The following CREB5 variants were observed in gnomAD, a reference collection of about 807,000 sequenced individuals.
CREB5 encodes cyclic AMP-responsive element-binding protein 5.
In CREB5, 19 loss-of-function variants were observed where a neutral mutation model predicts 57.1. The observed-to-expected ratio is 0.33, with a 90% CI of 0.23 to 0.49. The LOEUF (loss-of-function observed/expected upper bound fraction) is 0.49, where lower values mean the gene tolerates loss of function less well. Among genes scored for constraint, CREB5 ranks in the 20% least tolerant of loss-of-function variants. CREB5 has a pLI of 0.99. For synonymous variants in CREB5, 238 were observed against 238.3 expected, an observed-to-expected ratio of 1.00 and a Z score of 0.01; for missense variants, 579 against 671.6, an observed-to-expected ratio of 0.86 and a Z score of 1.52.
intron 4 of CREB5, among the ~76,000 whole-genome samples, chr7:28,564,317 C>T (rs1402889697): frequency 2.6e-5 from 4 of 152,188 alleles, no homozygotes; most frequent in Non-Finnish European, 5.9e-5. Context: ...ATTTTGAGAC[C>T]TTACAGGAAT....
rs1439926301 is a variant in CREB5, at chr7:28,672,184, A to AC, written c.465-46569_465-46568insC. On this transcript the variant is annotated intron_variant, in intron 5 of 10. Transcript: ENST00000357727. ...GATCAGTTGTATTATGGAAAAAAAAAAAAAACACACACACACACACACACA... is the reference window on the plus strand; with the variant it reads ...GATCAGTTGTATTATGGAAAAAAAAACAAAAACACACACACACACACACACA... Among the ~76,000 whole-genome samples the AC allele has an allele frequency of 2.6e-3, 358 of 139,112 alleles. 1 individual carries two copies. The highest frequency in any genetic ancestry group is 0.018 in the South Asian group (81 of 4,550). The allele number at this position is 139,112 out of a possible 152,430, so 91.3% of individuals were successfully genotyped here.
At chr7:28,598,298 A>T (rs1361309355) in intron 5 of CREB5, among the ~76,000 whole-genome samples, 2 of 152,110 alleles carry the variant, frequency 1.3e-5, no homozygotes, top group Admixed American at 6.6e-5. Flanking sequence ...TTCCGCCATG[A>T]TCCCCAGCCA....
intron 3 of CREB5, among the ~76,000 whole-genome samples, chr7:28,502,386 C>CA (rs56300430): frequency 4.7e-5 from 7 of 150,150 alleles, no homozygotes; most frequent in Non-Finnish European, 7.4e-5. Context: ...TAAATGTAAC[C>CA]AAAAAAAAAT....
intron 4 of CREB5, among the ~76,000 whole-genome samples, chr7:28,527,770 A>G (rs1195910288): frequency 6.6e-6 from 1 of 152,148 alleles, no homozygotes; most frequent in Non-Finnish European, 1.5e-5. Context: ...GTAAGCTTTG[A>G]TTGCATCATT....
chr7:28,357,735 A>G lies in CREB5; in HGVS notation c.-25+58294A>G, dbSNP rs148816434. On this transcript the variant is annotated intron_variant, in intron 1 of 9. Transcript: ENST00000396299. ...GGAGTTCTTCAATGTACAAGAACTAAGTAAATACAGTATTGTGCCAGAAGT... is the reference window on the plus strand; with the variant it reads ...GGAGTTCTTCAATGTACAAGAACTAGGTAAATACAGTATTGTGCCAGAAGT... Among the ~76,000 whole-genome samples, 316 of 152,320 alleles carry G rather than the reference A, an allele frequency of 2.1e-3. 3 individuals carry two copies. Among genetic ancestry groups the G allele is most frequent in the African/African-American group, 7.2e-3 (299 of 41,564 alleles).
At chr7:28,421,835 C>G (rs42730) in intron 1 of CREB5, among the ~76,000 whole-genome samples, 1 of 5,904 alleles carries the variant, frequency 1.7e-4, no homozygotes, top group South Asian at 0.01. Flanking sequence ...TATATATATA[C>G]ACACACACAC....
At chr7:28,482,569 T>G (rs1791378177) in intron 1 of CREB5, among the ~76,000 whole-genome samples, 2 of 152,206 alleles carry the variant, frequency 1.3e-5, no homozygotes, top group South Asian at 2.1e-4. Context: ...AGTTTCCTCC[T>G]CTAGAAACCT....
At chr7:28,522,390 G>GTT (rs11291433) in intron 4 of CREB5, among the ~76,000 whole-genome samples, 2,432 of 97,570 alleles carry the variant, frequency 0.025, 148 homozygotes, top group African/African-American at 0.082. Flanking sequence ...CCTGCTCTTT[G>GTT]TTTTTTTTTT....
chr7:28,708,504 A>G (rs980805463), intron 5 of CREB5, among the ~76,000 whole-genome samples: 6 of 152,184 alleles, frequency 3.9e-5, no homozygotes, highest in Non-Finnish European at 8.8e-5. Context: ...ATTCGAGAAA[A>G]GGTGAAATAA....
intron 1 of CREB5, among the ~76,000 whole-genome samples, chr7:28,345,701 G>A (rs938884616): frequency 1.2e-4 from 19 of 152,158 alleles, no homozygotes; most frequent in African/African-American, 3.6e-4. Context: ...TGGGCAAGTC[G>A]GGAGGTGATT....
At chr7:28,672,822 A>G (rs1800114881) in intron 5 of CREB5, among the ~76,000 whole-genome samples, 1 of 152,242 alleles carries the variant, frequency 6.6e-6, no homozygotes, top group African/African-American at 2.4e-5. Context: ...CACCTGCAGA[A>G]TGAGGAAATT....
intron 5 of CREB5, among the ~76,000 whole-genome samples, chr7:28,706,152 C>G (rs558169011): frequency 6.6e-6 from 1 of 152,250 alleles, no homozygotes; most frequent in South Asian, 2.1e-4. Context: ...GTCCGGAGTT[C>G]GAGACCAGCT....
At chr7:28,385,501 A>C (rs1787069964) in intron 1 of CREB5, among the ~76,000 whole-genome samples, 1 of 151,894 alleles carries the variant, frequency 6.6e-6, no homozygotes, top group Non-Finnish European at 1.5e-5. Context: ...ACATGGTGAA[A>C]CCCTGTCTCT....
chr7:28,570,605 T>C, intron 5 of CREB5, 68 bp downstream of exon 5: 1 of 1,538,508 alleles, frequency 6.5e-7, no homozygotes, highest in East Asian at 2.3e-5. Context: ...GACTTCCTCC[T>C]GGTTTCTGGT....
At chr7:28,351,262 A>T (rs1041742083) in intron 1 of CREB5, among the ~76,000 whole-genome samples, 1 of 152,166 alleles carries the variant, frequency 6.6e-6, no homozygotes, top group East Asian at 1.9e-4. Flanking sequence ...AAACAAATCT[A>T]TAAGAATGAT....
At chr7:28,467,964 G>A (rs191755922) in intron 1 of CREB5, among the ~76,000 whole-genome samples, 4 of 152,342 alleles carry the variant, frequency 2.6e-5, no homozygotes, top group Admixed American at 2.6e-4. Flanking sequence ...GGTCATTAAA[G>A]CTACTGTGAG....
intron 1 of CREB5, among the ~76,000 whole-genome samples, chr7:28,446,210 C>A (rs567105691): frequency 4.0e-4 from 61 of 152,026 alleles, no homozygotes; most frequent in Non-Finnish European, 5.4e-4. Flanking sequence ...CCCCCAGCCG[C>A]CCCTCCCCTC....
intron 1 of CREB5, among the ~76,000 whole-genome samples, chr7:28,299,982 T>A (rs1785071373): frequency 6.6e-6 from 1 of 152,242 alleles, no homozygotes; most frequent in African/African-American, 2.4e-5. Context: ...TTTCTCCGGA[T>A]CCATTTTTGT....
chr7:28,736,054 C>T (rs1803960193), intron 7 of CREB5, among the ~76,000 whole-genome samples: 1 of 152,154 alleles, frequency 6.6e-6, no homozygotes, highest in African/African-American at 2.4e-5. Context: ...ACATCTGGGC[C>T]TCCCAAAGCT....
Sources: gnomAD v4.1 joint callset for allele counts (sites outside exome capture counted in the v4.1 genomes callset) on GRCh38, gnomAD v4.1.1 for gene constraint, MANE v1.5 for transcripts, NCBI Gene and HGNC (gene_info 2026-07-23, HGNC 2026-07-21) for gene names.